INO80D: variants seen among roughly 807,000 people sequenced by gnomAD.
INO80D encodes the protein INO80 complex subunit D.
A neutral mutation model predicts 87.6 loss-of-function variants in INO80D; 21 were observed. That is an observed-to-expected ratio of 0.24 (90% confidence interval 0.17 to 0.35). The LOEUF (loss-of-function observed/expected upper bound fraction) is 0.35. Among genes scored for constraint, INO80D ranks in the 10% least tolerant of loss-of-function variants. INO80D has a pLI of 1.00. For missense variants in INO80D, 982 were observed against 1,280.7 expected, an observed-to-expected ratio of 0.77 and a Z score of 3.56; for synonymous variants, 440 against 491.0, an observed-to-expected ratio of 0.90 and a Z score of 1.37.
Position 206,004,754 on chromosome 2 carries a change from G to A in INO80D, c.2698C>T (p.Pro900Ser), listed in dbSNP as rs1468063942. Reference protein sequence around the residue: ...WGNLPVNLGDPSPFSNLLGAD... With the variant: ...WGNLPVNLGDSSPFSNLLGAD... ...CCGAGAAGGTTGCTAAATGGAGAGG[G>A]GTCTCCAAGGTTGACAGGGAGATTG... The change falls in exon 11 of 11, where the codon CCC becomes TCC. Residue 900 changes from proline (P) to serine (S), a missense_variant. Coordinates refer to ENST00000403263, the MANE Select transcript of INO80D (RefSeq NM_017759.5). This position sits in a 1 kb window ranked among gnomAD's most constrained non-coding sequence, Gnocchi z 4.9. The A allele has an allele frequency of 6.2e-7, 1 of 1,613,970 alleles. No homozygotes were observed. The highest frequency in any genetic ancestry group is 1.3e-5 in the African/African-American group (1 of 75,018).
Position 205,995,689 on chromosome 2 carries a change from T to A in INO80D, c.*8679A>T, listed in dbSNP as rs982156160. ...GTACACATGCTCTGACATGTATATA[T>A]ACACTTTTGTCTGTGTGTGCATAAG... On this transcript the variant is annotated 3_prime_UTR_variant, in exon 11 of 11. Coordinates refer to ENST00000403263, the MANE Select transcript of INO80D (RefSeq NM_017759.5). 6.6e-6 allele frequency: 1 copy of A among 152,170 alleles called. No individual in the cohort carries two copies. Among genetic ancestry groups the A allele is most frequent in the African/African-American group, 2.4e-5 (1 of 41,454 alleles). The allele number at this position is 152,170 out of a possible 1,614,324, so 9.4% of individuals were successfully genotyped here.
At chr2:206,045,959 G>C (rs911925083) in intron 5 of INO80D, among the ~76,000 whole-genome samples, 11 of 152,082 alleles carry the variant, frequency 7.2e-5, no homozygotes, top group African/African-American at 2.7e-4. Flanking sequence ...AATCTCTAAG[G>C]TTCTTTTCAA....
At chr2:206,024,306 G>A (rs966962597) in intron 6 of INO80D, among the ~76,000 whole-genome samples, 2 of 152,078 alleles carry the variant, frequency 1.3e-5, no homozygotes, top group African/African-American at 4.8e-5. Context: ...GTATAAAATT[G>A]TACAATGAAA....
rs1687874323 is a variant in INO80D, at chr2:205,999,871, A to ATTAAT, written c.*4496_*4497insATTAA. 6.6e-6 allele frequency: 1 copy of ATTAAT among 152,222 alleles called. No homozygotes were observed. Among genetic ancestry groups the ATTAAT allele is most frequent in the Admixed American group, 6.5e-5 (1 of 15,286 alleles). The allele number at this position is 152,222 out of a possible 1,614,324, so 9.4% of individuals were successfully genotyped here. ...AAATGTATAAAGATGTTAAGACATT[A>ATTAAT]TTAAACTGTTTTAACTTTTCTACAG... On this transcript the variant is annotated 3_prime_UTR_variant, in exon 11 of 11. Transcript: ENST00000403263.
chr2:206,016,669 C>T (rs1688325954), intron 8 of INO80D, among the ~76,000 whole-genome samples: 1 of 152,170 alleles, frequency 6.6e-6, no homozygotes, highest in Non-Finnish European at 1.5e-5. Context: ...CTTGTAGCTC[C>T]CATAATTCCC....
Position 206,001,312 on chromosome 2 carries a change from TC to T in INO80D, c.*3055del, listed in dbSNP as rs1423324068. 1.3e-5 allele frequency: 2 copies of T among 152,202 alleles called. No homozygotes were observed. Among genetic ancestry groups the T allele is most frequent in the African/African-American group, 4.8e-5 (2 of 41,430 alleles). The allele number at this position is 152,202 out of a possible 1,614,324, so 9.4% of individuals were successfully genotyped here. A position where few individuals can be genotyped will look rare whatever the true frequency, so the allele number is the denominator to read the frequency against. On this transcript the variant is annotated 3_prime_UTR_variant, in exon 11 of 11. Coordinates refer to ENST00000403263, the MANE Select transcript of INO80D (RefSeq NM_017759.5). Reference sequence around the variant, plus strand: ...TCAGATTCTCAGAGCACAGAATGTATCCATTAACTGCAGCAACTTTGTAAAT... The same window carrying T: ...TCAGATTCTCAGAGCACAGAATGTATCATTAACTGCAGCAACTTTGTAAAT...
chr2:206,056,491 G>A lies in INO80D; in HGVS notation c.671C>T (p.Pro224Leu). 2 of 1,613,880 alleles carry A rather than the reference G, an allele frequency of 1.2e-6. No individual in the cohort carries two copies. Among genetic ancestry groups the A allele is most frequent in the Non-Finnish European group, 1.7e-6 (2 of 1,179,854 alleles). ...TGACTTGCAGACTGAACCCTGCGGT[G>A]GCGCTGGAGGTTTTAAAGAAGTAGA... The part of the protein sequence containing the change: ...PLSTSLKPPA[P>L]PQGSVCKSPQ... Residue 224 changes from proline (P) to leucine (L), a missense_variant, in exon 4 of 11, where the codon CCA becomes CTA. By Grantham distance (98) the Pro-to-Leu change is moderately conservative. Transcript: ENST00000403263.
At chr2:206,008,245 A>G (rs1287193178) in intron 9 of INO80D, among the ~76,000 whole-genome samples, 1 of 149,556 alleles carries the variant, frequency 6.7e-6, no homozygotes, top group Non-Finnish European at 1.5e-5. Context: ...TGGCCTCCCA[A>G]AGTGTTGGGA....
intron 1 of INO80D, among the ~76,000 whole-genome samples, chr2:206,084,236 TACATACACACACAC>T (rs1559470327): frequency 9.7e-6 from 1 of 103,554 alleles, no homozygotes; most frequent in African/African-American, 3.8e-5. Context: ...TTAAATGTTA[TACATACACACACAC>T]ACACACACAC....
At chr2:206,027,756 T>C (rs945426617) in intron 6 of INO80D, among the ~76,000 whole-genome samples, 1 of 152,094 alleles carries the variant, frequency 6.6e-6, no homozygotes, top group Non-Finnish European at 1.5e-5. Flanking sequence ...ATAACACATG[T>C]AAATAAACAT....
intron 1 of INO80D, among the ~76,000 whole-genome samples, chr2:206,069,665 CT>C (rs1208913774): frequency 6.6e-6 from 1 of 152,142 alleles, no homozygotes; most frequent in African/African-American, 2.4e-5. Flanking sequence ...TGTAGTCTGT[CT>C]CCTTTAGATA....
At chr2:206,042,597 C>T (rs1198384159) in intron 5 of INO80D, among the ~76,000 whole-genome samples, 1 of 151,022 alleles carries the variant, frequency 6.6e-6, no homozygotes, top group South Asian at 2.1e-4. Flanking sequence ...TGGAGAATCA[C>T]TTGAACTCGG....
chr2:206,008,135 C>T (rs1688076322), intron 9 of INO80D, among the ~76,000 whole-genome samples: 1 of 152,006 alleles, frequency 6.6e-6, no homozygotes. Flanking sequence ...GCGCCCACCA[C>T]TATGCCAAGC....
In INO80D at chr2:206,028,202, T is replaced by C; in HGVS notation, c.1207A>G (p.Arg403Gly). Reference sequence around the variant, plus strand: ...CTGGCCGCCTGCAGCAAAGCTTTCCTAAACGTATGCCGGCATTTCTTTTGA... The same window carrying C: ...CTGGCCGCCTGCAGCAAAGCTTTCCCAAACGTATGCCGGCATTTCTTTTGA... ...SRQKKCRHTF[R>G]KALLQAASKE... is the part of the protein sequence containing the mutation. The change falls in exon 6 of 11, where the codon AGG becomes GGG. Residue 403 changes from arginine (R) to glycine (G), a missense_variant. Physicochemically the swap from Arg to Gly is moderately radical, Grantham distance 125. Coordinates refer to ENST00000403263, the MANE Select transcript of INO80D (RefSeq NM_017759.5). The C allele has an allele frequency of 6.2e-7, 1 of 1,612,110 alleles. No individual in the cohort carries two copies. Among genetic ancestry groups the C allele is most frequent in the South Asian group, 1.1e-5 (1 of 90,670 alleles).
rs1392246314 is a variant in INO80D at position 206,062,147 on chromosome 2, T to A, written c.218+652A>T. Among the ~76,000 whole-genome samples, 4 of 152,180 alleles carry A rather than the reference T, an allele frequency of 2.6e-5. No individual in the cohort carries two copies. Among genetic ancestry groups the A allele is most frequent in the Admixed American group, 1.3e-4 (2 of 15,266 alleles). On this transcript the variant is annotated intron_variant, in intron 3 of 10. Coordinates refer to ENST00000403263, the MANE Select transcript of INO80D (RefSeq NM_017759.5). This position sits in a 1 kb window ranked among gnomAD's most constrained non-coding sequence, Gnocchi z 4.6. The stretch of plus-strand genomic sequence containing the variant: ...TTCTAGTGGCAAAACCGACCCTTAA[T>A]GTGAAAATAGTGTTTCCAAATTATG...
chr2:206,049,397 AAAGGT>A (rs1349027814), intron 4 of INO80D, among the ~76,000 whole-genome samples: 2 of 152,226 alleles, frequency 1.3e-5, no homozygotes, highest in Non-Finnish European at 2.9e-5. Context: ...CAGTGTGTTG[AAAGGT>A]AAGGTCCTTC....
Position 206,004,645 on chromosome 2 carries a change from G to A in INO80D, c.2807C>T (p.Thr936Ile), listed in dbSNP as rs1353798621. 1.2e-6 allele frequency: 2 copies of A among 1,613,618 alleles called. No homozygotes were observed. The highest frequency in any genetic ancestry group is 8.5e-7 in the Non-Finnish European group (1 of 1,179,774). ...NSETTQPAFA[T>I]VTPSSSSVLP... ...CACACTGGAGCTGCTGGGGGTCACG[G>A]TGGCGAAGGCAGGCTGTGTGGTCTC... The change falls in exon 11 of 11, where the codon ACC (threonine) becomes ATC (isoleucine). Residue 936 changes from threonine to isoleucine, a missense_variant. Physicochemically the swap from Thr to Ile is moderately conservative, Grantham distance 89. Coordinates refer to ENST00000403263, the MANE Select transcript of INO80D (RefSeq NM_017759.5). This position sits in a 1 kb window ranked among gnomAD's most constrained non-coding sequence, Gnocchi z 4.9.
At position 206,005,333 on chromosome 2, in the gene INO80D, G is replaced by C; in HGVS notation, c.2119C>G (p.Arg707Gly). The C allele has an allele frequency of 6.2e-7, 1 of 1,613,884 alleles. No homozygotes were observed. The highest frequency in any genetic ancestry group is 1.6e-4 in the Middle Eastern group (1 of 6,062). Reference protein sequence around the residue: ...TGASGIQSLSREVNTDLGELL... With the variant: ...TGASGIQSLSGEVNTDLGELL... ...TCCCCTAGGTCTGTGTTCACCTCTC[G>C]GCTCAAGGATTGTATTCCTGAAGCT... Residue 707 changes from arginine (R) to glycine (G), a missense_variant, in exon 11 of 11, where the codon CGA becomes GGA. Transcript: ENST00000403263.
At chr2:206,025,937 G>A (rs561508552) in intron 6 of INO80D, among the ~76,000 whole-genome samples, 3 of 151,646 alleles carry the variant, frequency 2.0e-5, no homozygotes, top group South Asian at 2.1e-4. Flanking sequence ...CCACTCTGTC[G>A]CCCAGGCTAG....
Sources: allele counts gnomAD v4.1 joint callset (sites outside exome capture counted in the v4.1 genomes callset), GRCh38; gene constraint gnomAD v4.1.1; non-coding constraint Gnocchi (gnomAD v3.1); transcripts MANE v1.5; gene names NCBI Gene and HGNC (gene_info 2026-07-23, HGNC 2026-07-21).